Variants in FANCI observed in about 807,000 individuals in gnomAD.
FANCI encodes the protein FA complementation group I.
FANCI carries 156 observed loss-of-function variants against 176.1 expected under a neutral mutation model. The observed-to-expected ratio is 0.89, with a 90% CI of 0.78 to 1.01. The LOEUF (loss-of-function observed/expected upper bound fraction) is 1.01. Among genes scored for constraint, FANCI ranks in the 50% least tolerant of loss-of-function variants. The probability of loss-of-function intolerance (pLI) is 0.00; values close to 1 mark genes in which losing one functional copy is unlikely to be tolerated. For synonymous variants in FANCI, 613 were observed against 541.7 expected, an observed-to-expected ratio of 1.13 and a Z score of -1.83; for missense variants, 1,678 against 1,534.1, an observed-to-expected ratio of 1.09 and a Z score of -1.57.
At chr15:89,251,983 G>A (rs909511897) in intron 2 of FANCI, among the ~76,000 whole-genome samples, 1 of 152,122 alleles carries the variant, frequency 6.6e-6, no homozygotes, top group Admixed American at 6.6e-5. Context: ...TTAACCTAGA[G>A]AAAACAATCA....
intron 35 of FANCI, among the ~76,000 whole-genome samples, chr15:89,313,752 T>C (rs1274844954): frequency 6.6e-6 from 1 of 151,968 alleles, no homozygotes; most frequent in African/African-American, 2.4e-5. Flanking sequence ...AACAAAGATA[T>C]CCATTAATAG....
intron 20 of FANCI, among the ~76,000 whole-genome samples, chr15:89,292,128 G>T (rs1000109336): frequency 1.3e-5 from 2 of 152,144 alleles, no homozygotes; most frequent in African/African-American, 4.8e-5. Context: ...GAGGAGCTAG[G>T]CCTGGTTGAC....
intron 31 of FANCI, 113 bp downstream of exon 31, chr15:89,305,811 G>A: frequency 8.1e-7 from 1 of 1,231,840 alleles, no homozygotes; most frequent in Non-Finnish European, 1.2e-6. Context: ...TTGCCTTTAA[G>A]CTAGATTTTT....
At chr15:89,291,777 A>G in intron 20 of FANCI, 63 bp downstream of exon 20, 3 of 1,292,426 alleles carry the variant, frequency 2.3e-6, no homozygotes, top group Non-Finnish European at 3.4e-6. Context: ...TGAACTTTGC[A>G]AAGAGATACC....
At chr15:89,289,408 G>T (rs2053969242) in intron 18 of FANCI, among the ~76,000 whole-genome samples, 1 of 151,944 alleles carries the variant, frequency 6.6e-6, no homozygotes. Flanking sequence ...CAGTTTAAGC[G>T]ATTCTCCTGC....
chr15:89,294,773 C>T (rs1596307442), intron 23 of FANCI, 142 bp from the exon 24 acceptor site: 2 of 762,628 alleles, frequency 2.6e-6, no homozygotes, highest in Non-Finnish European at 4.1e-6. Flanking sequence ...CTTGGGCTGC[C>T]TAGAGAGTCT....
chr15:89,250,583 AC>A (rs1220416559), intron 2 of FANCI, among the ~76,000 whole-genome samples: 11 of 151,528 alleles, frequency 7.3e-5, no homozygotes, highest in Non-Finnish European at 1.5e-4. Context: ...ATTAGGAGAT[AC>A]ACCTAATGTA....
intron 2 of FANCI, among the ~76,000 whole-genome samples, chr15:89,256,073 T>C (rs2052480880): frequency 6.6e-6 from 1 of 152,190 alleles, no homozygotes; most frequent in Admixed American, 6.5e-5. Flanking sequence ...CAGCTTTTTT[T>C]CCCTCTTCCT....
At position 89,293,909 on chromosome 15, in the gene FANCI, G is replaced by T; in HGVS notation, c.2368G>T (p.Gly790Cys). The T allele has an allele frequency of 6.2e-7, 1 of 1,614,024 alleles. No individual in the cohort carries two copies. The highest frequency in any genetic ancestry group is 1.1e-5 in the South Asian group (1 of 91,076). ...KLSDILNEKAGKAKTKMANKT... is the reference protein window; with the variant it reads ...KLSDILNEKACKAKTKMANKT... Reference sequence around the variant, plus strand: ...CTCTGACATTCTTAATGAAAAAGCGGGTAAAGCCAAAACTAAAATGGCCAA... The same window carrying T: ...CTCTGACATTCTTAATGAAAAAGCGTGTAAAGCCAAAACTAAAATGGCCAA... The change falls in exon 23 of 38, where the codon GGT (glycine) becomes TGT (cysteine). Residue 790 changes from glycine (G) to cysteine (C), a missense_variant. By Grantham distance (159) the Gly-to-Cys change is radical (BLOSUM62 -3). Transcript: ENST00000310775.
intron 17 of FANCI, among the ~76,000 whole-genome samples, chr15:89,284,342 TATATATA>T (rs2053735815): frequency 1.3e-5 from 2 of 152,340 alleles, no homozygotes; most frequent in South Asian, 4.1e-4. Context: ...AGGAGACATT[TATATATA>T]ACAGTTTGAC....
chr15:89,317,113 T>C lies in FANCI; in HGVS notation c.*654T>C. The stretch of plus-strand genomic sequence containing the variant: ...GAGTGCAAGAATGCACTCTATAGAA[T>C]AAATTATCTTTAAACATTTCTTCTG... On this transcript the variant is annotated 3_prime_UTR_variant, in exon 38 of 38. Coordinates refer to ENST00000310775, the MANE Select transcript of FANCI (RefSeq NM_001113378.2). 1.7e-6 allele frequency: 1 copy of C among 593,772 alleles called. No individual in the cohort carries two copies. The highest frequency in any genetic ancestry group is 3.0e-6 in the Non-Finnish European group (1 of 335,520). 36.8% of individuals were successfully genotyped at this position (593,772 alleles called of 1,614,324 possible).
At chr15:89,270,352 A>T (rs796389126) in intron 10 of FANCI, among the ~76,000 whole-genome samples, 7 of 152,308 alleles carry the variant, frequency 4.6e-5, no homozygotes, top group African/African-American at 1.4e-4. Flanking sequence ...GTACATATGT[A>T]TCCCTTTGTA....
At chr15:89,293,085 A>G (rs1567165087) in intron 22 of FANCI, 22 bp downstream of exon 22, 1 of 1,610,648 alleles carries the variant, frequency 6.2e-7, no homozygotes, top group Non-Finnish European at 8.5e-7. Context: ...CTATAACTCC[A>G]TTTGTAATTT....
intron 10 of FANCI, among the ~76,000 whole-genome samples, chr15:89,272,511 T>C (rs1315621826): frequency 6.6e-6 from 1 of 152,138 alleles, no homozygotes; most frequent in Non-Finnish European, 1.5e-5. Context: ...ATCAATTTTT[T>C]CTTGTAGAAA....
Position 89,281,931 on chromosome 15 carries a change from G to C in FANCI, c.1583+96G>C. 4 of 1,140,132 alleles carry C rather than the reference G, an allele frequency of 3.5e-6. No individual in the cohort carries two copies. In the South Asian group the frequency reaches 4.9e-5, roughly 14 times the overall value. The allele number at this position is 1,140,132 out of a possible 1,614,324, so 70.6% of individuals were successfully genotyped here. A position where few individuals can be genotyped will look rare whatever the true frequency, so the allele number is the denominator to read the frequency against. Reference sequence around the variant, plus strand: ...TCTCCTAGTACCACCTGTTCACAGTGATCATGAGAATTCCTAGCCCCGCAG... The same window carrying C: ...TCTCCTAGTACCACCTGTTCACAGTCATCATGAGAATTCCTAGCCCCGCAG... On this transcript the variant is annotated intron_variant, in intron 16 of 37. Transcript: ENST00000310775.
At chr15:89,314,735 A>T in intron 36 of FANCI, 28 bp downstream of exon 36, 1 of 1,512,528 alleles carries the variant, frequency 6.6e-7, no homozygotes, top group Non-Finnish European at 9.2e-7. Flanking sequence ...ATGTGCTACC[A>T]TTCCCATTTA....
intron 23 of FANCI, 89 bp downstream of exon 23, chr15:89,294,086 T>C (rs1365932902): frequency 1.4e-6 from 2 of 1,419,628 alleles, no homozygotes; most frequent in African/African-American, 2.8e-5. Context: ...GTTTGGATTG[T>C]TTACAGTAAG....
chr15:89,307,904 A>G (rs2151943758), intron 34 of FANCI: 2 of 1,402,844 alleles, frequency 1.4e-6, no homozygotes, highest in Non-Finnish European at 1.9e-6. Flanking sequence ...ATATGTTTGC[A>G]TTTGGAGCAA....
In FANCI at chr15:89,292,754, CAGGGAGAGG is replaced by C. The variant is rs1334134320; in HGVS notation, c.2063_2071del (p.Gly688_Glu690del). On this transcript the variant is annotated inframe_deletion, in exon 21 of 38. Transcript: ENST00000310775. ...TAAGAATACAGTCATACCCTTACAG[CAGGGAGAGG>C]AGGAAGAGGAGGAGGAAGAGGCATT... 1 of 1,613,708 alleles carries C rather than the reference CAGGGAGAGG, an allele frequency of 6.2e-7. No individual in the cohort carries two copies. Among genetic ancestry groups the C allele is most frequent in the Non-Finnish European group, 8.5e-7 (1 of 1,179,920 alleles).
Sources: allele counts gnomAD v4.1 joint callset (sites outside exome capture counted in the v4.1 genomes callset), GRCh38; gene constraint gnomAD v4.1.1; transcripts MANE v1.5; gene names NCBI Gene and HGNC (gene_info 2026-07-23, HGNC 2026-07-21).